AFG3L2: variants seen among roughly 807,000 people sequenced by gnomAD.
AFG3L2 encodes the protein mitochondrial inner membrane m-AAA protease component AFG3L2.
A neutral mutation model predicts 94.5 loss-of-function variants in AFG3L2; 54 were observed. The ratio of observed to expected loss-of-function variants is 0.57; its 90% CI spans 0.46 to 0.72. AFG3L2 has a LOEUF of 0.72. AFG3L2 is among the 30% of genes least tolerant of loss of function. AFG3L2 has a pLI of 0.00. For synonymous variants in AFG3L2, 377 were observed against 365.5 expected, an observed-to-expected ratio of 1.03 and a Z score of -0.36; for missense variants, 754 against 994.9, an observed-to-expected ratio of 0.76 and a Z score of 3.26.
chr18:12,356,092 G>A (rs1158552057), intron 9 of AFG3L2, among the ~76,000 whole-genome samples: 1 of 146,016 alleles, frequency 6.8e-6, no homozygotes, highest in African/African-American at 2.5e-5. Context: ...TGTTTGGTAT[G>A]TCAATTATAT....
chr18:12,359,828 G>T, intron 7 of AFG3L2, 99 bp downstream of exon 7: 1 of 1,504,114 alleles, frequency 6.6e-7, no homozygotes. Context: ...ATAAAGGCCT[G>T]TTTGAGAATA....
intron 9 of AFG3L2, among the ~76,000 whole-genome samples, chr18:12,354,238 T>C (rs1171221761): frequency 6.7e-6 from 1 of 150,218 alleles, no homozygotes; most frequent in African/African-American, 2.5e-5. Context: ...ATAACTGGTA[T>C]CCTTCTCCAG....
At chr18:12,337,150 A>C in intron 16 of AFG3L2, 191 bp downstream of exon 16, 1 of 645,406 alleles carries the variant, frequency 1.5e-6, no homozygotes, top group Non-Finnish European at 2.8e-6. Flanking sequence ...GGACAGTGTC[A>C]ACTTCTGCTC....
chr18:12,362,693 A>T (rs1310628464), intron 6 of AFG3L2, among the ~76,000 whole-genome samples: 1 of 144,218 alleles, frequency 6.9e-6, no homozygotes, highest in Non-Finnish European at 1.5e-5. Context: ...GAAACAGAAC[A>T]GGGAACAAGG....
chr18:12,368,944 T>G (rs1908892908), intron 3 of AFG3L2, among the ~76,000 whole-genome samples: 1 of 151,940 alleles, frequency 6.6e-6, no homozygotes, highest in Non-Finnish European at 1.5e-5. Context: ...AAGCAACCCC[T>G]CTAGTGTAGC....
chr18:12,353,385 G>A (rs558888975), intron 9 of AFG3L2, among the ~76,000 whole-genome samples: 10 of 151,580 alleles, frequency 6.6e-5, no homozygotes, highest in Non-Finnish European at 1.2e-4. Context: ...ATGGTGGCGC[G>A]TGCCTGTGAT....
In AFG3L2 at chr18:12,329,844, A is replaced by T. The variant is rs548798388; in HGVS notation, c.2176-61T>A. On this transcript the variant is annotated intron_variant, in intron 16 of 16. Coordinates refer to ENST00000269143, the MANE Select transcript of AFG3L2 (RefSeq NM_006796.3). ...TCAGCAAAGTCTATTCAGAAATATT[A>T]ATTTTTTATTTACAGGTGACCCCAT... The T allele has an allele frequency of 4.1e-6, 6 of 1,450,610 alleles. No homozygotes were observed. In the Admixed American group the frequency reaches 8.9e-5, roughly 22 times the overall value. 89.9% of individuals were successfully genotyped at this position (1,450,610 alleles called of 1,614,324 possible).
chr18:12,338,621 A>G (rs1907831106), intron 15 of AFG3L2, among the ~76,000 whole-genome samples: 1 of 152,230 alleles, frequency 6.6e-6, no homozygotes, highest in South Asian at 2.1e-4. Context: ...ATACAGTCAG[A>G]AAAGCTCCTA....
At chr18:12,375,621 C>A (rs1236687694) in intron 1 of AFG3L2, among the ~76,000 whole-genome samples, 3 of 152,156 alleles carry the variant, frequency 2.0e-5, no homozygotes, top group African/African-American at 7.2e-5. Flanking sequence ...TCTTGGCTCA[C>A]TGCCAGCTCC....
At chr18:12,343,992 G>GGTTACCAGAA in intron 14 of AFG3L2, 140 bp downstream of exon 14, 1 of 740,112 alleles carries the variant, frequency 1.4e-6, no homozygotes, top group Non-Finnish European at 2.4e-6. Context: ...GTGCAACTAT[G>GGTTACCAGAA]GTTACCAGAA....
In AFG3L2 at chr18:12,371,637, C is replaced by G; in HGVS notation, c.169G>C (p.Asp57His). 6.2e-7 allele frequency: 1 copy of G among 1,614,096 alleles called. No homozygotes were observed. The highest frequency in any genetic ancestry group is 8.5e-7 in the Non-Finnish European group (1 of 1,180,020). ...AATCTTTGATAAGCAGCAATTATATCTGTCAAAAGAGAATTTCTGCTGGCC... is the reference window on the plus strand; with the variant it reads ...AATCTTTGATAAGCAGCAATTATATGTGTCAAAAGAGAATTTCTGCTGGCC... ...ARASRNSLLT[D>H]IIAAYQRFCS... Residue 57 changes from aspartate (D) to histidine (H), a missense_variant, in exon 2 of 17, where the codon GAT becomes CAT. By Grantham distance (81) the Asp-to-His change is moderately conservative (BLOSUM62 -1). Around this residue, in one of 4 missense-constraint regions of AFG3L2, gnomAD observed 236 missense variants for 214.0 expected, o/e 1.10. Coordinates refer to ENST00000269143, the MANE Select transcript of AFG3L2 (RefSeq NM_006796.3).
intron 7 of AFG3L2, 56 bp downstream of exon 7, chr18:12,359,871 C>T (rs1438343617): frequency 1.2e-6 from 2 of 1,607,078 alleles, no homozygotes; most frequent in Admixed American, 1.7e-5. Flanking sequence ...GGACAGAACA[C>T]AGTGAACCAC....
At position 12,348,320 on chromosome 18, in the gene AFG3L2, G is replaced by A; in HGVS notation, c.1616C>T (p.Ser539Phe). ...ALIAARHLSD[S>F]INQKHFEQAI... is the part of the protein sequence containing the mutation. ...CTGTTCAAAGTGTTTCTGATTTATG[G>A]AATCTGACAGATGCCTTGCAGCAAT... The change falls in exon 13 of 17, where the codon TCC becomes TTC. Residue 539 changes from serine (S) to phenylalanine (F), a missense_variant. This residue lies in a region of AFG3L2 where 279 missense variants were observed against 378.6 expected (regional missense o/e 0.74). Coordinates refer to ENST00000269143, the MANE Select transcript of AFG3L2 (RefSeq NM_006796.3). 6.2e-7 allele frequency: 1 copy of A among 1,614,050 alleles called. No homozygotes were observed.
intron 9 of AFG3L2, among the ~76,000 whole-genome samples, chr18:12,353,906 C>T (rs1167398511): frequency 2.0e-5 from 3 of 152,300 alleles, no homozygotes; most frequent in Non-Finnish European, 2.9e-5. Context: ...TCTATGCAAT[C>T]ACACATATAC....
chr18:12,345,501 G>A lies in AFG3L2; in HGVS notation c.1664-1254C>T, dbSNP rs1908105610. 2.6e-5 allele frequency among the ~76,000 whole-genome samples: 4 copies of A among 152,232 alleles called. No homozygotes were observed. The South Asian group carries it at 8.3e-4, about 32-fold the overall frequency. Reference sequence around the variant, plus strand: ...TTCCCAATGACACAACCCAAGACAAGCATATGCCACAGGGCGGGAAGTTAC... The same window carrying A: ...TTCCCAATGACACAACCCAAGACAAACATATGCCACAGGGCGGGAAGTTAC... On this transcript the variant is annotated intron_variant, in intron 13 of 16. Coordinates refer to ENST00000269143, the MANE Select transcript of AFG3L2 (RefSeq NM_006796.3).
At chr18:12,338,884 A>G (rs56297932) in intron 15 of AFG3L2, among the ~76,000 whole-genome samples, 13,457 of 152,254 alleles carry the variant, frequency 0.088, 804 homozygotes, top group Non-Finnish European at 0.13. Context: ...AAAAGCTTCA[A>G]TGAGGTGCTA....
chr18:12,348,075 G>C (rs1908201213), intron 13 of AFG3L2, among the ~76,000 whole-genome samples, 198 bp downstream of exon 13: 1 of 152,186 alleles, frequency 6.6e-6, no homozygotes, highest in African/African-American at 2.4e-5. Flanking sequence ...CAGGTGGCAG[G>C]GGACGGTGGC....
intron 13 of AFG3L2, among the ~76,000 whole-genome samples, chr18:12,348,058 C>CAG (rs1218743810): frequency 6.6e-6 from 1 of 152,168 alleles, no homozygotes; most frequent in Non-Finnish European, 1.5e-5. Flanking sequence ...GACCTCCATG[C>CAG]AGAGGGCAGG....
At position 12,338,922 on chromosome 18, in the gene AFG3L2, C is replaced by T. The variant is rs115295929; in HGVS notation, c.1980+1279G>A. On this transcript the variant is annotated intron_variant, in intron 15 of 16. Transcript: ENST00000269143. ...GAAAAAATACATATCAAAGCCACCA[C>T]GCCCAGCCTGAAATAAACTTTAAAT... 4.0e-3 allele frequency among the ~76,000 whole-genome samples: 603 copies of T among 152,198 alleles called. 8 individuals carry two copies. The highest frequency in any genetic ancestry group is 0.014 in the African/African-American group (570 of 41,518).
Sources: gnomAD v4.1 joint callset for allele counts (sites outside exome capture counted in the v4.1 genomes callset) on GRCh38, gnomAD v4.1.1 for gene constraint, gnomAD v4.1.1 regional missense constraint, MANE v1.5 for transcripts, NCBI Gene and HGNC (gene_info 2026-07-23, HGNC 2026-07-21) for gene names.